The following NAP1L4 variants were observed in gnomAD, a reference collection of about 807,000 sequenced individuals.
NAP1L4 encodes nucleosome assembly protein 1-like 4.
NAP1L4 carries 15 observed loss-of-function variants against 58.2 expected under a neutral mutation model. The observed-to-expected ratio is 0.26, with a 90% CI of 0.17 to 0.40. The LOEUF (loss-of-function observed/expected upper bound fraction) is 0.40, where lower values mean the gene tolerates loss of function less well. Ranked by LOEUF, NAP1L4 falls within the 10% of genes least tolerant of loss-of-function variation. The pLI, the probability that NAP1L4 is intolerant of heterozygous loss-of-function variation, is 1.00. For synonymous variants in NAP1L4, 171 were observed against 155.6 expected, an observed-to-expected ratio of 1.10 and a Z score of -0.74; for missense variants, 384 against 451.1, an observed-to-expected ratio of 0.85 and a Z score of 1.35.
At chr11:2,953,749 G>A (rs375233136) in intron 12 of NAP1L4, among the ~76,000 whole-genome samples, 3 of 152,252 alleles carry the variant, frequency 2.0e-5, no homozygotes, top group East Asian at 3.8e-4. Flanking sequence ...TACTGCCACA[G>A]GGGGCTAAGG....
intron 8 of NAP1L4, among the ~76,000 whole-genome samples, chr11:2,960,738 A>G (rs1564978097): frequency 6.6e-6 from 1 of 152,202 alleles, no homozygotes; most frequent in Non-Finnish European, 1.5e-5. Flanking sequence ...CTGACTCAGT[A>G]ATTCTATTTT....
intron 7 of NAP1L4, among the ~76,000 whole-genome samples, chr11:2,966,241 ACAATGTGTAATAAATCAGGAC>A (rs1365393154): frequency 1.3e-5 from 2 of 152,244 alleles, no homozygotes; most frequent in Non-Finnish European, 2.9e-5. Flanking sequence ...ATGCACGTAC[ACAATGTGTAATAAATCAGGAC>A]CATCACCTCA....
intron 12 of NAP1L4, among the ~76,000 whole-genome samples, chr11:2,952,963 T>C (rs1012016172): frequency 6.6e-6 from 1 of 152,248 alleles, no homozygotes; most frequent in Non-Finnish European, 1.5e-5. Context: ...AAACACTTTA[T>C]GCCAACACTT....
In NAP1L4 at chr11:2,948,564, A is replaced by G. The variant is rs761706377; in HGVS notation, c.*32+663T>C. Among the ~76,000 whole-genome samples the G allele has an allele frequency of 6.6e-6, 1 of 152,190 alleles. No individual in the cohort carries two copies. Among genetic ancestry groups the G allele is most frequent in the Non-Finnish European group, 1.5e-5 (1 of 68,034 alleles). ...GGGCAGAGCTACAGGGACTGAAGAAAGTGGAGTGGGAAACAGCTTCCAGGC... is the reference window on the plus strand; with the variant it reads ...GGGCAGAGCTACAGGGACTGAAGAAGGTGGAGTGGGAAACAGCTTCCAGGC... On this transcript the variant is annotated intron_variant, in intron 15 of 15. Transcript: ENST00000380542. This position sits in a 1 kb window ranked among gnomAD's most constrained non-coding sequence, Gnocchi z 5.1.
intron 8 of NAP1L4, among the ~76,000 whole-genome samples, chr11:2,964,475 G>T (rs1847138114): frequency 6.6e-6 from 1 of 152,166 alleles, no homozygotes; most frequent in Non-Finnish European, 1.5e-5. Flanking sequence ...ACACAGAAAG[G>T]CAATGGGATC....
Position 2,978,328 on chromosome 11 carries a change from A to C in NAP1L4, c.29T>G (p.Val10Gly). The part of the protein sequence containing the change: MADHSFSDG[V>G]PSDSVEAAKN... ...AGCAGCTTCCACGGAATCTGAAGGA[A>C]CCCCATCTGAAAAACTAAAACAACA... is the stretch of plus-strand genomic sequence containing the variant. Residue 10 changes from valine to glycine, a missense_variant, in exon 3 of 16, where the codon GTT (valine) becomes GGT (glycine). By Grantham distance (109) the Val-to-Gly change is moderately radical. Coordinates refer to ENST00000380542, the MANE Select transcript of NAP1L4 (RefSeq NM_005969.4). 6.2e-7 allele frequency: 1 copy of C among 1,613,908 alleles called. No homozygotes were observed. The highest frequency in any genetic ancestry group is 8.5e-7 in the Non-Finnish European group (1 of 1,179,900).
intron 8 of NAP1L4, among the ~76,000 whole-genome samples, chr11:2,960,383 G>A (rs186595559): frequency 4.4e-4 from 67 of 152,250 alleles, no homozygotes; most frequent in Middle Eastern, 3.4e-3. Context: ...CTTTTCTCCC[G>A]GGAGGTGGGT....
chr11:2,980,478 G>T lies in NAP1L4; in HGVS notation c.-17-1241C>A, dbSNP rs184448249. Among the ~76,000 whole-genome samples the T allele has an allele frequency of 7.9e-5, 12 of 152,264 alleles. No homozygotes were observed. In the East Asian group the frequency reaches 2.1e-3, roughly 27 times the overall value. On this transcript the variant is annotated intron_variant, in intron 1 of 15. Transcript: ENST00000380542. ...TGGGATTACAGGTGTGAGTCAACAC[G>T]CCTGGCCTATACAATTTCAAAATCT...
Position 2,951,918 on chromosome 11 carries a change from A to C in NAP1L4, c.1036-109T>G. The stretch of plus-strand genomic sequence containing the variant: ...CTGACCAAGCCTAAGAGGAGCAGAA[A>C]GTCCAGCCACGCTGCCTGCTGGGCC... On this transcript the variant is annotated intron_variant, in intron 12 of 15. Transcript: ENST00000380542. This position sits in a 1 kb window ranked among gnomAD's most constrained non-coding sequence, Gnocchi z 4.0. 9.0e-7 allele frequency: 1 copy of C among 1,105,056 alleles called. No homozygotes were observed. Among genetic ancestry groups the C allele is most frequent in the Non-Finnish European group, 1.4e-6 (1 of 727,508 alleles). The allele number at this position is 1,105,056 out of a possible 1,614,324, so 68.5% of individuals were successfully genotyped here.
At chr11:2,975,947 G>T in intron 4 of NAP1L4, 77 bp downstream of exon 4, 2 of 1,237,834 alleles carry the variant, frequency 1.6e-6, no homozygotes, top group Non-Finnish European at 1.1e-6. Flanking sequence ...CTGTTCTGGG[G>T]AACTGAAAAG....
At chr11:2,965,470 C>T (rs10832974) in intron 7 of NAP1L4, among the ~76,000 whole-genome samples, 30,857 of 152,096 alleles carry the variant, frequency 0.2, 3,382 homozygotes, top group South Asian at 0.34. Flanking sequence ...TACAGGACCG[C>T]CATCCTATAT....
rs924646068 is a variant in NAP1L4, at chr11:2,951,154, G to T, written c.1122+105C>A. ...ACACATTTTAAACTTTCTAATTAGG[G>T]AATAATGAATATTGTTAACACTACT... On this transcript the variant is annotated intron_variant, in intron 14 of 15. Transcript: ENST00000380542. The surrounding 1 kb of genome is among the most constrained non-coding windows in gnomAD (Gnocchi z 4.0). 1.2e-6 allele frequency: 1 copy of T among 840,028 alleles called. No individual in the cohort carries two copies. The highest frequency in any genetic ancestry group is 2.0e-6 in the Non-Finnish European group (1 of 506,866). 52.0% of individuals were successfully genotyped at this position (840,028 alleles called of 1,614,324 possible). A position where few individuals can be genotyped will look rare whatever the true frequency, so the allele number is the denominator to read the frequency against.
intron 7 of NAP1L4, among the ~76,000 whole-genome samples, chr11:2,965,779 C>A (rs1247977230): frequency 6.6e-6 from 1 of 152,158 alleles, no homozygotes; most frequent in Non-Finnish European, 1.5e-5. Context: ...ATCCACCCAC[C>A]TCGGCCTCCC....
In NAP1L4 at chr11:2,949,332, G is replaced by A; in HGVS notation, c.1123-68C>T. On this transcript the variant is annotated intron_variant, in intron 14 of 15. Coordinates refer to ENST00000380542, the MANE Select transcript of NAP1L4 (RefSeq NM_005969.4). This position sits in a 1 kb window ranked among gnomAD's most constrained non-coding sequence, Gnocchi z 4.0. The stretch of plus-strand genomic sequence containing the variant: ...AAAATGAAATGCACAAAATTATACA[G>A]GAGGAAACGGCCACAATTTCTCATG... 6 of 1,309,610 alleles carry A rather than the reference G, an allele frequency of 4.6e-6. No individual in the cohort carries two copies. The highest frequency in any genetic ancestry group is 6.6e-6 in the Non-Finnish European group (6 of 904,692). The allele number at this position is 1,309,610 out of a possible 1,614,324, so 81.1% of individuals were successfully genotyped here. A position where few individuals can be genotyped will look rare whatever the true frequency, so the allele number is the denominator to read the frequency against.
At chr11:2,952,475 G>A (rs1213198980) in intron 12 of NAP1L4, 1 of 152,314 alleles carries the variant, frequency 6.6e-6, no homozygotes, top group African/African-American at 2.4e-5. Context: ...CAAGGGTAGT[G>A]CATGAAAATG....
intron 3 of NAP1L4, 134 bp downstream of exon 3, chr11:2,978,150 T>C (rs1361676093): frequency 3.9e-6 from 3 of 769,004 alleles, no homozygotes; most frequent in Non-Finnish European, 6.2e-6. Flanking sequence ...GAGATACTGA[T>C]TTTTCATTTT....
chr11:2,963,122 A>AG (rs1847041940), intron 8 of NAP1L4, among the ~76,000 whole-genome samples: 2 of 150,562 alleles, frequency 1.3e-5, no homozygotes, highest in Admixed American at 6.7e-5. Flanking sequence ...AAAAGAAAAA[A>AG]GAAAAAAAAG....
chr11:2,976,528 C>G (rs1847973843), intron 3 of NAP1L4, among the ~76,000 whole-genome samples: 1 of 152,350 alleles, frequency 6.6e-6, no homozygotes, highest in East Asian at 1.9e-4. Flanking sequence ...AGAGCATCCA[C>G]TAGCTCCCTT....
chr11:2,988,535 G>A (rs888522447), intron 1 of NAP1L4, among the ~76,000 whole-genome samples: 2 of 152,216 alleles, frequency 1.3e-5, no homozygotes, highest in African/African-American at 4.8e-5. Flanking sequence ...TAAGTAAACA[G>A]ATGCAAATCA....
Sources: gnomAD v4.1 joint callset for allele counts (sites outside exome capture counted in the v4.1 genomes callset) on GRCh38, gnomAD v4.1.1 for gene constraint, Gnocchi (gnomAD v3.1) non-coding constraint, MANE v1.5 for transcripts, NCBI Gene and HGNC (gene_info 2026-07-23, HGNC 2026-07-21) for gene names.